Variants in ADAM18 observed in about 807,000 individuals in gnomAD.
ADAM18 encodes the protein ADAM metallopeptidase domain 18.
In ADAM18, 117 loss-of-function variants were observed where a neutral mutation model predicts 94.4. That is an observed-to-expected ratio of 1.24 (90% CI 1.07 to 1.45). ADAM18 has a LOEUF of 1.45. Ranked by LOEUF, ADAM18 falls within the 40% of genes most tolerant of loss-of-function variation. ADAM18 has a pLI of 0.00. For missense variants in ADAM18, 936 were observed against 880.0 expected (o/e 1.06, Z -0.81); for synonymous variants, 327 against 291.6 (o/e 1.12, Z -1.24).
intron 19 of ADAM18, among the ~76,000 whole-genome samples, chr8:39,728,452 C>T (rs1040164794): frequency 7.9e-5 from 12 of 151,970 alleles, no homozygotes; most frequent in African/African-American, 2.9e-4. Context: ...GTGTTCAAGT[C>T]ATAGAGAGTC....
chr8:39,704,020 T>C lies in ADAM18; in HGVS notation c.1903-2770T>C, dbSNP rs550932578. On this transcript the variant is annotated intron_variant, in intron 17 of 19. Transcript: ENST00000265707. Reference sequence around the variant, plus strand: ...TCCCAAGAATGAACAAAGAAGAAATTGAATCATTGAAAAGACCAATAACAA... The same window carrying C: ...TCCCAAGAATGAACAAAGAAGAAATCGAATCATTGAAAAGACCAATAACAA... Among the ~76,000 whole-genome samples, 3 of 151,960 alleles carry C rather than the reference T, an allele frequency of 2.0e-5. No individual in the cohort carries two copies. The South Asian group carries it at 6.3e-4, about 32-fold the overall frequency.
chr8:39,689,055 CT>C (rs754155019), intron 16 of ADAM18, among the ~76,000 whole-genome samples: 5 of 150,138 alleles, frequency 3.3e-5, no homozygotes, highest in East Asian at 2.0e-4. Flanking sequence ...TTTTTAATGG[CT>C]TTTTTTTTCT....
chr8:39,663,598 CAAAAAAAAAAA>C (rs10597769), intron 12 of ADAM18, among the ~76,000 whole-genome samples, 186 bp from the exon 13 acceptor site: 95 of 19,580 alleles, frequency 4.9e-3, no homozygotes, highest in South Asian at 0.023. Flanking sequence ...AATCCTGTCT[CAAAAAAAAAAA>C]AAAAAAAAAA....
At chr8:39,725,611 A>G (rs1483196072) in intron 19 of ADAM18, among the ~76,000 whole-genome samples, 1 of 152,172 alleles carries the variant, frequency 6.6e-6, no homozygotes, top group Non-Finnish European at 1.5e-5. Flanking sequence ...TATTTCACAC[A>G]AATTTTGTCT....
At chr8:39,609,855 A>C (rs952115832) in intron 5 of ADAM18, among the ~76,000 whole-genome samples, 2 of 152,154 alleles carry the variant, frequency 1.3e-5, no homozygotes, top group African/African-American at 4.8e-5. Flanking sequence ...TCAAATAGTT[A>C]TGGAAAATGG....
intron 6 of ADAM18, among the ~76,000 whole-genome samples, chr8:39,621,649 C>T (rs1183580351): frequency 6.6e-6 from 1 of 151,856 alleles, no homozygotes; most frequent in Non-Finnish European, 1.5e-5. Flanking sequence ...AATATAAAGT[C>T]ACAATAGTAA....
chr8:39,603,195 C>CT (rs1162995046), intron 2 of ADAM18, among the ~76,000 whole-genome samples: 1 of 152,126 alleles, frequency 6.6e-6, no homozygotes, highest in African/African-American at 2.4e-5. Context: ...TTTCTGGGCT[C>CT]TTTTTTCTAT....
chr8:39,664,302 A>G (rs1820932117), intron 13 of ADAM18, among the ~76,000 whole-genome samples: 2 of 152,150 alleles, frequency 1.3e-5, no homozygotes, highest in African/African-American at 4.8e-5. Context: ...AACTATTTAC[A>G]TAGCATTTAT....
intron 12 of ADAM18, among the ~76,000 whole-genome samples, chr8:39,661,348 GT>G (rs1353061057): frequency 6.7e-5 from 6 of 90,054 alleles, no homozygotes; most frequent in East Asian, 4.8e-4. Flanking sequence ...TTTTTTTTTT[GT>G]ATTTTTGGTA....
At chr8:39,709,611 T>A (rs1416898201) in intron 18 of ADAM18, among the ~76,000 whole-genome samples, 1 of 152,160 alleles carries the variant, frequency 6.6e-6, no homozygotes, top group African/African-American at 2.4e-5. Flanking sequence ...ATTCATTCAT[T>A]CATACATTCC....
intron 18 of ADAM18, among the ~76,000 whole-genome samples, chr8:39,711,139 T>G (rs955772193): frequency 6.6e-6 from 1 of 152,178 alleles, no homozygotes; most frequent in African/African-American, 2.4e-5. Context: ...GTCAAAACAT[T>G]ACCTGAACAA....
intron 18 of ADAM18, among the ~76,000 whole-genome samples, chr8:39,715,435 TAAAGA>T (rs989319730): frequency 1.0e-4 from 13 of 123,826 alleles, no homozygotes; most frequent in East Asian, 2.5e-4. Context: ...AAATCCAAAA[TAAAGA>T]AAAGAAAACA....
At chr8:39,712,691 T>C (rs558288917) in intron 18 of ADAM18, among the ~76,000 whole-genome samples, 1 of 152,248 alleles carries the variant, frequency 6.6e-6, no homozygotes, top group South Asian at 2.1e-4. Flanking sequence ...CCATTCACAA[T>C]TGCTTCAAAG....
chr8:39,722,217 GTATATATATATATATATA>G lies in ADAM18; in HGVS notation c.2018-1503_2018-1486del, dbSNP rs61542840. On this transcript the variant is annotated intron_variant, in intron 18 of 19. Transcript: ENST00000265707. ...TGTGTGTGTGTGTGTGTGTGTGTGT[GTATATATATATATATATA>G]TATATATATATATATATATATATAT... 6.2e-3 allele frequency among the ~76,000 whole-genome samples: 565 copies of G among 91,526 alleles called. 2 individuals are homozygous for G. The highest frequency in any genetic ancestry group is 0.013 in the African/African-American group (239 of 18,772). 60.0% of individuals were successfully genotyped at this position (91,526 alleles called of 152,430 possible). A position where few individuals can be genotyped will look rare whatever the true frequency, so the allele number is the denominator to read the frequency against.
rs143674281 is a variant in ADAM18, at chr8:39,645,326, C to T, written c.910-12C>T. On this transcript the variant is annotated splice_polypyrimidine_tract_variant and intron_variant, in intron 10 of 19. Transcript: ENST00000265707. ...CACATAATAATTTTCTTTTTCATGT[C>T]TTTTATTTTAGTATCCAGATGCAAT... 2 of 1,580,506 alleles carry T rather than the reference C, an allele frequency of 1.3e-6. No homozygotes were observed. The highest frequency in any genetic ancestry group is 1.7e-6 in the Non-Finnish European group (2 of 1,165,850).
intron 18 of ADAM18, among the ~76,000 whole-genome samples, chr8:39,720,578 A>C (rs529070830): frequency 6.6e-6 from 1 of 151,640 alleles, no homozygotes; most frequent in Non-Finnish European, 1.5e-5. Flanking sequence ...ATAAAATATT[A>C]GAAACACTTT....
chr8:39,632,562 T>A (rs1056865297), intron 7 of ADAM18, among the ~76,000 whole-genome samples: 5 of 152,160 alleles, frequency 3.3e-5, no homozygotes, highest in African/African-American at 1.2e-4. Context: ...TTTTATTTAA[T>A]ATTTTGTTTT....
At chr8:39,647,223 G>C (rs6980957) in intron 11 of ADAM18, among the ~76,000 whole-genome samples, 3 of 145,764 alleles carry the variant, frequency 2.1e-5, no homozygotes, top group Non-Finnish European at 4.5e-5. Context: ...TGATAATAAG[G>C]AGAAAGTCAG....
intron 6 of ADAM18, among the ~76,000 whole-genome samples, chr8:39,626,354 C>A (rs1012747297): frequency 6.6e-6 from 1 of 151,688 alleles, no homozygotes; most frequent in East Asian, 1.9e-4. Flanking sequence ...TTCAAAGAAC[C>A]AAGTTTTCAT....
Sources: allele counts gnomAD v4.1 joint callset (sites outside exome capture counted in the v4.1 genomes callset), GRCh38; gene constraint gnomAD v4.1.1; transcripts MANE v1.5; gene names NCBI Gene and HGNC (gene_info 2026-07-23, HGNC 2026-07-21).